Variants in ADORA1 observed in about 807,000 individuals in gnomAD.
The protein encoded by ADORA1 is adenosine receptor A1.
In ADORA1, 6 loss-of-function variants were observed where a neutral mutation model predicts 19.9. That is an observed-to-expected ratio of 0.30 (90% CI 0.17 to 0.59). ADORA1 has a LOEUF of 0.59. Among genes scored for constraint, ADORA1 ranks in the 20% least tolerant of loss-of-function variants. The probability of loss-of-function intolerance (pLI) is 0.87; values close to 1 mark genes in which losing one functional copy is unlikely to be tolerated. For missense variants in ADORA1, 302 were observed against 439.2 expected, an observed-to-expected ratio of 0.69 and a Z score of 2.79; for synonymous variants, 194 against 188.4, an observed-to-expected ratio of 1.03 and a Z score of -0.24.
In ADORA1 at chr1:203,128,537, C is replaced by T. The variant is rs561372110; in HGVS notation, c.-58+105C>T. The T allele has an allele frequency of 1.3e-5, 13 of 969,316 alleles. No individual in the cohort carries two copies. The African/African-American group carries it at 2.0e-4, about 15-fold the overall frequency. The allele number at this position is 969,316 out of a possible 1,614,324, so 60.0% of individuals were successfully genotyped here. On this transcript the variant is annotated intron_variant, in intron 2 of 3. Transcript: ENST00000337894. The surrounding 1 kb of genome is among the most constrained non-coding windows in gnomAD (Gnocchi z 5.9). ...TGTGCGCGCGCGCTGGGAGCTGCCT[C>T]ACACCTGATAAAAAAGCCAGTGGAG...
At chr1:203,131,300 G>A (rs1364595297) in intron 3 of ADORA1, among the ~76,000 whole-genome samples, 1 of 152,142 alleles carries the variant, frequency 6.6e-6, no homozygotes, top group Non-Finnish European at 1.5e-5. Flanking sequence ...TCTCCCAGGA[G>A]GTGTCTAAGT....
At chr1:203,164,312 C>G (rs1296730722) in intron 3 of ADORA1, among the ~76,000 whole-genome samples, 1 of 152,152 alleles carries the variant, frequency 6.6e-6, no homozygotes, top group Non-Finnish European at 1.5e-5. Context: ...GTCTCTTCAC[C>G]CAAAATGTGA....
At chr1:203,134,129 C>T (rs377249575) in intron 3 of ADORA1, among the ~76,000 whole-genome samples, 9 of 152,060 alleles carry the variant, frequency 5.9e-5, no homozygotes, top group East Asian at 5.8e-4. Context: ...CTCACACTTG[C>T]GGACTGAGGA....
intron 3 of ADORA1, among the ~76,000 whole-genome samples, chr1:203,148,798 C>T (rs939480384): frequency 6.6e-6 from 1 of 152,228 alleles, no homozygotes; most frequent in African/African-American, 2.4e-5. Flanking sequence ...GCTCATGTGT[C>T]CGCCCCTCCC....
At chr1:203,159,195 A>G (rs919886708) in intron 3 of ADORA1, among the ~76,000 whole-genome samples, 1 of 152,200 alleles carries the variant, frequency 6.6e-6, no homozygotes, top group African/African-American at 2.4e-5. Flanking sequence ...GATGGCTAAA[A>G]TAGCCTCCTG....
chr1:203,135,516 G>C (rs1654477053), intron 3 of ADORA1, among the ~76,000 whole-genome samples: 1 of 152,062 alleles, frequency 6.6e-6, no homozygotes, highest in Non-Finnish European at 1.5e-5. Flanking sequence ...AAATTAGATG[G>C]GCATGGTGGT....
rs1655496606 is a variant in ADORA1, at chr1:203,165,123, C to A, written c.342-138C>A. On this transcript the variant is annotated intron_variant, in intron 3 of 3. Coordinates refer to ENST00000337894, the MANE Select transcript of ADORA1 (RefSeq NM_000674.3). This position sits in a 1 kb window ranked among gnomAD's most constrained non-coding sequence, Gnocchi z 5.9. ...GAAGACTCAGCCCTCGAGCAAAAGACATGCACCTCCCCACTCACCGGGCCC... is the reference window on the plus strand; with the variant it reads ...GAAGACTCAGCCCTCGAGCAAAAGAAATGCACCTCCCCACTCACCGGGCCC... 3.9e-6 allele frequency: 6 copies of A among 1,555,602 alleles called. No homozygotes were observed. The highest frequency in any genetic ancestry group is 5.2e-6 in the Non-Finnish European group (6 of 1,149,626).
chr1:203,135,271 A>T (rs1392595406), intron 3 of ADORA1, among the ~76,000 whole-genome samples: 4 of 152,348 alleles, frequency 2.6e-5, no homozygotes, highest in African/African-American at 7.2e-5. Context: ...GCATTCTTAT[A>T]TCACTGGCTA....
intron 3 of ADORA1, among the ~76,000 whole-genome samples, chr1:203,148,012 A>C (rs1236530583): frequency 2.0e-5 from 3 of 152,162 alleles, no homozygotes; most frequent in Non-Finnish European, 4.4e-5. Context: ...TGAGGTCAGG[A>C]GTCTAAGACC....
At chr1:203,148,648 G>C (rs993555849) in intron 3 of ADORA1, among the ~76,000 whole-genome samples, 1 of 152,218 alleles carries the variant, frequency 6.6e-6, no homozygotes, top group African/African-American at 2.4e-5. Context: ...AGAGCAGTGT[G>C]GTTGGTCAGG....
rs1014128559 is a variant in ADORA1, at chr1:203,165,279, C to T, written c.360C>T (p.Thr120=). 1.9e-6 allele frequency: 3 copies of T among 1,578,494 alleles called. No individual in the cohort carries two copies. Among genetic ancestry groups the T allele is most frequent in the African/African-American group, 1.4e-5 (1 of 73,622 alleles). ...CCCCCAGGTACAAGATGGTGGTGAC[C>T]CCCCGGAGGGCGGCGGTGGCCATAG... ...KIPLRYKMVV[T]PRRAAVAIAG... The change falls in exon 4 of 4, where the codon ACC becomes ACT. Residue 120 remains threonine, a synonymous_variant. Coordinates refer to ENST00000337894, the MANE Select transcript of ADORA1 (RefSeq NM_000674.3). This position sits in a 1 kb window ranked among gnomAD's most constrained non-coding sequence, Gnocchi z 5.9.
intron 3 of ADORA1, among the ~76,000 whole-genome samples, chr1:203,133,937 C>T (rs770361923): frequency 2.6e-5 from 4 of 152,186 alleles, no homozygotes; most frequent in Admixed American, 6.5e-5. Flanking sequence ...CCTTGTGTGC[C>T]GTCATGCCCC....
At position 203,151,624 on chromosome 1, in the gene ADORA1, C is replaced by T. The variant is rs992889297; in HGVS notation, c.342-13637C>T. ...GTGCCCAGATAAGTTACTGCGCCAG[C>T]CTCATCCTCACAGGGGGCCTGCCAA... On this transcript the variant is annotated intron_variant, in intron 3 of 3. Transcript: ENST00000337894. Among the ~76,000 whole-genome samples the T allele has an allele frequency of 3.9e-5, 6 of 152,100 alleles. No individual in the cohort carries two copies. The East Asian group carries it at 1.2e-3, about 29-fold the overall frequency.
chr1:203,162,103 C>T (rs1655390189), intron 3 of ADORA1, among the ~76,000 whole-genome samples: 2 of 152,312 alleles, frequency 1.3e-5, no homozygotes, highest in South Asian at 4.1e-4. Context: ...ACCCTTACCC[C>T]ATGCGTGCCC....
In ADORA1 at chr1:203,165,791, G is replaced by A. The variant is rs766823930; in HGVS notation, c.872G>A (p.Arg291His). Residue 291 changes from arginine to histidine, a missense_variant, in exon 4 of 4, where the codon CGC (arginine) becomes CAC (histidine). By Grantham distance (29) the Arg-to-His change is conservative. Transcript: ENST00000337894. The surrounding 1 kb of genome is among the most constrained non-coding windows in gnomAD (Gnocchi z 5.9). ...SAMNPIVYAF[R>H]IQKFRVTFLK... is the part of the protein sequence containing the mutation. ...ATGAACCCCATTGTCTATGCCTTCC[G>A]CATCCAGAAGTTCCGCGTCACCTTC... 18 of 1,613,050 alleles carry A rather than the reference G, an allele frequency of 1.1e-5. No homozygotes were observed. The highest frequency in any genetic ancestry group is 5.3e-5 in the African/African-American group (4 of 74,866).
intron 3 of ADORA1, among the ~76,000 whole-genome samples, chr1:203,161,410 G>T (rs1655362506): frequency 1.3e-5 from 2 of 152,108 alleles, no homozygotes. Flanking sequence ...CTCGAGACCA[G>T]CCTGGACAAC....
At position 203,166,193 on chromosome 1, in the gene ADORA1, C is replaced by T; in HGVS notation, c.*293C>T. The T allele has an allele frequency of 3.1e-6, 1 of 327,060 alleles. No homozygotes were observed. Among genetic ancestry groups the T allele is most frequent in the Non-Finnish European group, 5.5e-6 (1 of 180,976 alleles). The allele number at this position is 327,060 out of a possible 1,614,324, so 20.3% of individuals were successfully genotyped here. A position where few individuals can be genotyped will look rare whatever the true frequency, so the allele number is the denominator to read the frequency against. Reference sequence around the variant, plus strand: ...CCTGCCTGACCATCCCATGAGCAGTCCAGAGCTTCAGGGCTGGGCAGGTCC... The same window carrying T: ...CCTGCCTGACCATCCCATGAGCAGTTCAGAGCTTCAGGGCTGGGCAGGTCC... On this transcript the variant is annotated 3_prime_UTR_variant, in exon 4 of 4. Coordinates refer to ENST00000337894, the MANE Select transcript of ADORA1 (RefSeq NM_000674.3).
At chr1:203,162,961 G>T (rs773006952) in intron 3 of ADORA1, among the ~76,000 whole-genome samples, 1 of 152,204 alleles carries the variant, frequency 6.6e-6, no homozygotes, top group Non-Finnish European at 1.5e-5. Flanking sequence ...CCCACTCTCC[G>T]CTGTGTGGCT....
intron 3 of ADORA1, among the ~76,000 whole-genome samples, chr1:203,156,974 G>A (rs764634147): frequency 7.9e-5 from 12 of 152,254 alleles, no homozygotes; most frequent in Non-Finnish European, 1.8e-4. Context: ...TCTCTACACT[G>A]TTGCAATGGG....
Sources: allele counts gnomAD v4.1 joint callset (sites outside exome capture counted in the v4.1 genomes callset), GRCh38; gene constraint gnomAD v4.1.1; non-coding constraint Gnocchi (gnomAD v3.1); transcripts MANE v1.5; gene names NCBI Gene and HGNC (gene_info 2026-07-23, HGNC 2026-07-21).